SETD2: variants seen among roughly 807,000 people sequenced by gnomAD.
SETD2 encodes histone-lysine N-methyltransferase SETD2.
Under a neutral mutation model 242.1 loss-of-function variants are expected in SETD2, and 31 were observed. The ratio of observed to expected loss-of-function variants is 0.13; its 90% CI spans 0.10 to 0.17. The LOEUF (loss-of-function observed/expected upper bound fraction) is 0.17, where lower values mean the gene tolerates loss of function less well. Ranked by LOEUF, SETD2 falls within the 10% of genes least tolerant of loss-of-function variation. The probability of loss-of-function intolerance (pLI) is 1.00; values close to 1 mark genes in which losing one functional copy is unlikely to be tolerated. For synonymous variants in SETD2, 1,006 were observed against 1,066.5 expected (o/e 0.94, Z 1.11); for missense variants, 2,481 against 3,046.3 (o/e 0.81, Z 4.37).
chr3:47,121,543 C>T lies in SETD2; in HGVS notation c.3093G>A (p.Val1031=), dbSNP rs2106653647. 6.2e-7 allele frequency: 1 copy of T among 1,614,116 alleles called. No homozygotes were observed. The highest frequency in any genetic ancestry group is 8.5e-7 in the Non-Finnish European group (1 of 1,179,992). Residue 1031 remains valine (V), a synonymous_variant, in exon 3 of 21, where the codon GTG becomes GTA. Coordinates refer to ENST00000409792, the MANE Select transcript of SETD2 (RefSeq NM_014159.7). Reference sequence around the variant, plus strand: ...CAGAATAATCTTCATGAACTGTAGACACAATTTCTGGGGCATGACCACTAC... The same window carrying T: ...CAGAATAATCTTCATGAACTGTAGATACAATTTCTGGGGCATGACCACTAC... ...CDSSGHAPEI[V]STVHEDYSGS...
Position 47,122,497 on chromosome 3 carries a change from T to C in SETD2, c.2139A>G (p.Ala713=), listed in dbSNP as rs753222651. The change falls in exon 3 of 21, where the codon GCA becomes GCG. Residue 713 remains alanine, a synonymous_variant. Transcript: ENST00000409792. ...TGSELSPLVK[A]CMLSSNGFQN... ...GAAATCCATTTGATGAAAGCATGCA[T>C]GCTTTGACCAAAGGGGATAATTCCG... is the stretch of plus-strand genomic sequence containing the variant. 1.9e-6 allele frequency: 3 copies of C among 1,614,048 alleles called. No homozygotes were observed. The highest frequency in any genetic ancestry group is 2.5e-6 in the Non-Finnish European group (3 of 1,180,018).
rs2106715628 is a variant in SETD2, at chr3:47,123,927, A to T, written c.709T>A (p.Ser237Thr). The T allele has an allele frequency of 6.4e-7, 1 of 1,552,006 alleles. No homozygotes were observed. Among genetic ancestry groups the T allele is most frequent in the Non-Finnish European group, 8.7e-7 (1 of 1,146,842 alleles). The change falls in exon 3 of 21, where the codon TCT becomes ACT. Residue 237 changes from serine to threonine, a missense_variant. Physicochemically the swap from Ser to Thr is moderately conservative, Grantham distance 58. This residue lies in a region of SETD2 where 334 missense variants were observed against 374.5 expected (regional missense o/e 0.89). Transcript: ENST00000409792. ...VPLPVDVAVR[S>T]LKEPPIIIVP... ...ATTATAATTGGTGGTTCTTTCAGAG[A>T]TCTAACTGCTACATCTACTGGTAAG...
intron 1 of SETD2, among the ~76,000 whole-genome samples, chr3:47,131,654 T>G (rs2043479195): frequency 6.6e-6 from 1 of 151,302 alleles, no homozygotes; most frequent in Non-Finnish European, 1.5e-5. Flanking sequence ...TTAATTTTCT[T>G]TATTTGAAAA....
intron 14 of SETD2, among the ~76,000 whole-genome samples, chr3:47,060,212 T>A (rs926049558): frequency 6.6e-6 from 1 of 152,080 alleles, no homozygotes; most frequent in Non-Finnish European, 1.5e-5. Context: ...CAGTGAGCCA[T>A]GATCATGCCA....
At chr3:47,161,968 G>A (rs1447299200) in intron 1 of SETD2, among the ~76,000 whole-genome samples, 1 of 149,920 alleles carries the variant, frequency 6.7e-6, no homozygotes, top group Non-Finnish European at 1.5e-5. Flanking sequence ...ATCACTGTTA[G>A]AAATCCAAAG....
intron 1 of SETD2, among the ~76,000 whole-genome samples, chr3:47,148,405 A>G (rs1166095230): frequency 6.6e-6 from 1 of 152,146 alleles, no homozygotes; most frequent in African/African-American, 2.4e-5. Flanking sequence ...TGCTCGGATT[A>G]CAGACATGAG....
At chr3:47,037,254 A>G in intron 18 of SETD2, among the ~76,000 whole-genome samples, 1 of 147,298 alleles carries the variant, frequency 6.8e-6, no homozygotes, top group East Asian at 2.0e-4. Flanking sequence ...AGCATTAGGT[A>G]TATCTCCTAA....
At chr3:47,148,464 C>T (rs1480497318) in intron 1 of SETD2, among the ~76,000 whole-genome samples, 1 of 151,972 alleles carries the variant, frequency 6.6e-6, no homozygotes, top group African/African-American at 2.4e-5. Flanking sequence ...AATGTTACTC[C>T]CCTCAAACTT....
chr3:47,082,680 A>T (rs985518834), intron 12 of SETD2, among the ~76,000 whole-genome samples: 1 of 152,212 alleles, frequency 6.6e-6, no homozygotes, highest in Non-Finnish European at 1.5e-5. Flanking sequence ...TAAGAGCTCA[A>T]ATGGGTAAAC....
In SETD2 at chr3:47,121,167, G is replaced by C. The variant is rs966084677; in HGVS notation, c.3469C>G (p.Leu1157Val). The C allele has an allele frequency of 6.2e-7, 1 of 1,614,116 alleles. No homozygotes were observed. Among genetic ancestry groups the C allele is most frequent in the Non-Finnish European group, 8.5e-7 (1 of 1,179,994 alleles). ...QSSRKQIDNR[L>V]PELSHPQSDG... Reference sequence around the variant, plus strand: ...CTCTGAGGATGAGAAAGTTCAGGCAGGCGATTATCTATTTGTTTTCTACTG... The same window carrying C: ...CTCTGAGGATGAGAAAGTTCAGGCACGCGATTATCTATTTGTTTTCTACTG... Residue 1157 changes from leucine (L) to valine (V), a missense_variant, in exon 3 of 21, where the codon CTG becomes GTG. Leu to Val is a conservative substitution (Grantham distance 32). Transcript: ENST00000409792.
At chr3:47,107,885 G>A (rs1053477805) in intron 5 of SETD2, among the ~76,000 whole-genome samples, 3 of 152,050 alleles carry the variant, frequency 2.0e-5, no homozygotes, top group African/African-American at 4.8e-5. Context: ...AAAGCCTGGG[G>A]CAGGAGAATT....
intron 5 of SETD2, among the ~76,000 whole-genome samples, chr3:47,107,729 GT>G (rs1215892081): frequency 0.017 from 288 of 17,184 alleles, no homozygotes; most frequent in Middle Eastern, 0.019. Flanking sequence ...GCGGGGGGGG[GT>G]GGGGGGGGGG....
intron 1 of SETD2, chr3:47,157,411 AAATT>A (rs1392132829): frequency 4.5e-6 from 2 of 442,162 alleles, no homozygotes; most frequent in African/African-American, 4.1e-5. Flanking sequence ...TAAAAATAAA[AAATT>A]AATATAGAAT....
chr3:47,126,580 C>A, intron 2 of SETD2, 68 bp downstream of exon 2: 1 of 781,266 alleles, frequency 1.3e-6, no homozygotes, highest in Non-Finnish European at 2.1e-6. Context: ...TCAGCTTTTA[C>A]CCAATTTCTA....
At position 47,121,030 on chromosome 3, in the gene SETD2, C is replaced by T. The variant is rs1553700220; in HGVS notation, c.3606G>A (p.Leu1202=). The change falls in exon 3 of 21, where the codon CTG becomes CTA. Residue 1202 remains leucine (L), a synonymous_variant. Coordinates refer to ENST00000409792, the MANE Select transcript of SETD2 (RefSeq NM_014159.7). ...CTTCAAAATCAGAAGAATAAATTGG[C>T]AGCTCTTCTTGCTGCCTAGAAGGTA... is the stretch of plus-strand genomic sequence containing the variant. The part of the protein sequence containing the change: ...AKIPSRQQEE[L]PIYSSDFEDV... 1 of 1,614,160 alleles carries T rather than the reference C, an allele frequency of 6.2e-7. No homozygotes were observed. The highest frequency in any genetic ancestry group is 1.1e-5 in the South Asian group (1 of 91,082).
intron 19 of SETD2, among the ~76,000 whole-genome samples, chr3:47,019,215 GAA>G (rs2038110746): frequency 6.6e-6 from 1 of 152,224 alleles, no homozygotes; most frequent in Admixed American, 6.5e-5. Flanking sequence ...TACAGAAAGA[GAA>G]CTGGACTTTG....
chr3:47,114,040 A>C, intron 4 of SETD2, 36 bp from the exon 5 acceptor site: 3 of 1,588,682 alleles, frequency 1.9e-6, no homozygotes, highest in Non-Finnish European at 2.6e-6. Flanking sequence ...AATTCTTTAA[A>C]GCAGCAAAAG....
chr3:47,121,685 C>T lies in SETD2; in HGVS notation c.2951G>A (p.Arg984Lys), dbSNP rs765395599. Residue 984 changes from arginine (R) to lysine (K), a missense_variant, in exon 3 of 21, where the codon AGA becomes AAA. Physicochemically the swap from Arg to Lys is conservative, Grantham distance 26 (BLOSUM62 2). Around this residue, in one of 17 missense-constraint regions of SETD2, gnomAD observed 1,300 missense variants for 1,259.2 expected, o/e 1.03. Coordinates refer to ENST00000409792, the MANE Select transcript of SETD2 (RefSeq NM_014159.7). ...AGTATGCACATGTCCTCCTTCTCCT[C>T]TTTCATCTAAAGAGATTTCTGGTCT... is the stretch of plus-strand genomic sequence containing the variant. ...RGRPEISLDE[R>K]GEGGHVHTSD... 2 of 1,614,002 alleles carry T rather than the reference C, an allele frequency of 1.2e-6. No individual in the cohort carries two copies. Among genetic ancestry groups the T allele is most frequent in the Admixed American group, 1.7e-5 (1 of 60,012 alleles).
At chr3:47,115,021 G>A (rs1488950954) in intron 4 of SETD2, among the ~76,000 whole-genome samples, 4 of 152,078 alleles carry the variant, frequency 2.6e-5, no homozygotes, top group African/African-American at 7.2e-5. Flanking sequence ...CAGTATAAAG[G>A]AAAGCTTTCA....
Sources: allele counts gnomAD v4.1 joint callset (sites outside exome capture counted in the v4.1 genomes callset), GRCh38; gene constraint gnomAD v4.1.1; regional missense constraint gnomAD v4.1.1; transcripts MANE v1.5; gene names NCBI Gene and HGNC (gene_info 2026-07-23, HGNC 2026-07-21).